Variants in WAPL observed in about 807,000 individuals in gnomAD.
WAPL encodes the protein WAPL cohesin release factor.
In WAPL, 5 loss-of-function variants were observed where a neutral mutation model predicts 121.0. That is an observed-to-expected ratio of 0.04 (90% CI 0.02 to 0.09). The LOEUF (loss-of-function observed/expected upper bound fraction) is 0.09. WAPL is among the 10% of genes least tolerant of loss of function. WAPL has a pLI of 1.00. For synonymous variants in WAPL, 480 were observed against 481.5 expected, an observed-to-expected ratio of 1.00 and a Z score of 0.04; for missense variants, 999 against 1,410.8, an observed-to-expected ratio of 0.71 and a Z score of 4.68.
At chr10:86,501,847 A>G (rs1842253083) in intron 2 of WAPL, among the ~76,000 whole-genome samples, 1 of 152,080 alleles carries the variant, frequency 6.6e-6, no homozygotes, top group African/African-American at 2.4e-5. Flanking sequence ...GTGCACCACC[A>G]CACCTGCCTA....
At chr10:86,518,502 G>C (rs1449196324) in intron 1 of WAPL, among the ~76,000 whole-genome samples, 1 of 152,244 alleles carries the variant, frequency 6.6e-6, no homozygotes, top group Non-Finnish European at 1.5e-5. Flanking sequence ...GAGGCCAGGA[G>C]TTTGAGACCA....
Position 86,451,981 on chromosome 10 carries a change from G to C in WAPL, c.3100C>G (p.Gln1034Glu), listed in dbSNP as rs779273850. 3 of 1,614,080 alleles carry C rather than the reference G, an allele frequency of 1.9e-6. No individual in the cohort carries two copies. Among genetic ancestry groups the C allele is most frequent in the Non-Finnish European group, 2.5e-6 (3 of 1,179,994 alleles). Reference protein sequence around the residue: ...LRIGGQVHAVQALVQLFLERE... With the variant: ...LRIGGQVHAVEALVQLFLERE... ...TGGTTGCTTACCTGCACTAAAGCCT[G>C]GACAGCATGAACTTGTCCACCTATC... Residue 1034 changes from glutamine to glutamate, a missense_variant, in exon 15 of 19, where the codon CAG (glutamine) becomes GAG (glutamate). Gln to Glu is a conservative substitution (Grantham distance 29). Coordinates refer to ENST00000298767, the MANE Select transcript of WAPL (RefSeq NM_015045.5).
At chr10:86,470,550 T>C (rs778763885) in intron 8 of WAPL, among the ~76,000 whole-genome samples, 22 of 152,224 alleles carry the variant, frequency 1.4e-4, no homozygotes, top group Non-Finnish European at 3.2e-4. Context: ...GAAGAAATTA[T>C]TCCTTATCAC....
Position 86,517,999 on chromosome 10 carries a change from A to G in WAPL, c.71T>C (p.Phe24Ser). Residue 24 changes from phenylalanine (F) to serine (S), a missense_variant, in exon 2 of 19, where the codon TTT becomes TCT. Coordinates refer to ENST00000298767, the MANE Select transcript of WAPL (RefSeq NM_015045.5). Reference protein sequence around the residue: ...GNGSSKFDEVFSNKRTTLSTK... With the variant: ...GNGSSKFDEVSSNKRTTLSTK... The stretch of plus-strand genomic sequence containing the variant: ...GCTAAGGGTAGTCCGTTTGTTGGAA[A>G]AGACTTCATCGAATTTTGAACTGCC... 6.2e-7 allele frequency: 1 copy of G among 1,614,224 alleles called. No individual in the cohort carries two copies. The highest frequency in any genetic ancestry group is 8.5e-7 in the Non-Finnish European group (1 of 1,180,044).
intron 4 of WAPL, among the ~76,000 whole-genome samples, chr10:86,480,511 T>A (rs1313678797): frequency 6.6e-6 from 1 of 152,142 alleles, no homozygotes; most frequent in Non-Finnish European, 1.5e-5. Flanking sequence ...ATGAGAGCCA[T>A]GACCAAAATC....
At chr10:86,473,999 T>G in intron 4 of WAPL, 26 bp from the exon 5 acceptor site, 20 of 1,564,900 alleles carry the variant, frequency 1.3e-5, no homozygotes, top group Non-Finnish European at 1.7e-5. Flanking sequence ...AAAGATCAAC[T>G]GCTTCCATCC....
At chr10:86,483,158 C>T (rs901007626) in intron 4 of WAPL, among the ~76,000 whole-genome samples, 11 of 152,294 alleles carry the variant, frequency 7.2e-5, no homozygotes, top group Admixed American at 3.3e-4. Flanking sequence ...CGGTGGCTCA[C>T]GCCTGTAATC....
rs770148047 is a variant in WAPL at position 86,461,330 on chromosome 10, A to G, written c.2371-43T>C. Reference sequence around the variant, plus strand: ...CATTAATGAATATCAACTTTTAGCAATAACTCTAGAAATTGTTTCTCTTTA... The same window carrying G: ...CATTAATGAATATCAACTTTTAGCAGTAACTCTAGAAATTGTTTCTCTTTA... On this transcript the variant is annotated intron_variant, in intron 9 of 18. Transcript: ENST00000298767. 4.7e-6 allele frequency: 7 copies of G among 1,484,488 alleles called. No homozygotes were observed. In the East Asian group the frequency reaches 9.1e-5, roughly 19 times the overall value. 92.0% of individuals were successfully genotyped at this position (1,484,488 alleles called of 1,614,324 possible). A position where few individuals can be genotyped will look rare whatever the true frequency, so the allele number is the denominator to read the frequency against.
intron 4 of WAPL, among the ~76,000 whole-genome samples, chr10:86,483,291 A>C (rs1394178470): frequency 2.0e-5 from 3 of 152,208 alleles, no homozygotes; most frequent in South Asian, 4.1e-4. Context: ...GTGGAGGTGC[A>C]TGCCTGTAAT....
chr10:86,485,411 C>T (rs557793334), intron 4 of WAPL, among the ~76,000 whole-genome samples: 156 of 152,106 alleles, frequency 1.0e-3, no homozygotes, highest in South Asian at 2.5e-3. Context: ...GTGGCACCCA[C>T]CTGTAGTCCC....
chr10:86,502,294 G>C (rs1188821803), intron 2 of WAPL, among the ~76,000 whole-genome samples: 3 of 152,174 alleles, frequency 2.0e-5, no homozygotes, highest in African/African-American at 7.2e-5. Flanking sequence ...ATTATGTACA[G>C]ATATGGATGC....
chr10:86,473,216 C>A (rs1167380062), intron 5 of WAPL, among the ~76,000 whole-genome samples: 4 of 152,084 alleles, frequency 2.6e-5, no homozygotes, highest in Admixed American at 2.6e-4. Flanking sequence ...TACTAATATA[C>A]AAAATGATTT....
chr10:86,445,042 G>A (rs959282942), intron 16 of WAPL, among the ~76,000 whole-genome samples: 3 of 152,076 alleles, frequency 2.0e-5, no homozygotes, highest in East Asian at 1.9e-4. Flanking sequence ...ACGTTGCTGC[G>A]GCTTGCTTCC....
chr10:86,493,717 T>C (rs1428748195), intron 4 of WAPL, among the ~76,000 whole-genome samples: 3 of 150,206 alleles, frequency 2.0e-5, no homozygotes, highest in Non-Finnish European at 4.4e-5. Context: ...TTTTAAGAGA[T>C]GGGGCCAGGC....
At chr10:86,486,987 T>C (rs569264950) in intron 4 of WAPL, among the ~76,000 whole-genome samples, 2 of 152,006 alleles carry the variant, frequency 1.3e-5, no homozygotes, top group South Asian at 2.1e-4. Context: ...AAGGTATAAA[T>C]ATTGGAGAAT....
chr10:86,483,585 A>T (rs1841846488), intron 4 of WAPL, among the ~76,000 whole-genome samples: 2 of 152,056 alleles, frequency 1.3e-5, no homozygotes, highest in Admixed American at 6.6e-5. Context: ...TCATTGTAAA[A>T]CCGCTTCAGA....
chr10:86,511,692 G>A lies in WAPL; in HGVS notation c.499+5879C>T, dbSNP rs183179865. Among the ~76,000 whole-genome samples the A allele has an allele frequency of 2.9e-3, 448 of 152,248 alleles. 4 individuals are homozygous for A. The highest frequency in any genetic ancestry group is 0.01 in the African/African-American group (431 of 41,540). The stretch of plus-strand genomic sequence containing the variant: ...CTCATGCCTGTAATCCCAACACTTC[G>A]GGAGGTGGAGGCAGGAGGACTACTC... On this transcript the variant is annotated intron_variant, in intron 2 of 18. Coordinates refer to ENST00000298767, the MANE Select transcript of WAPL (RefSeq NM_015045.5).
chr10:86,470,125 C>A (rs977356736), intron 8 of WAPL, among the ~76,000 whole-genome samples: 1 of 151,968 alleles, frequency 6.6e-6, no homozygotes, highest in African/African-American at 2.4e-5. Flanking sequence ...CTCCACCTCC[C>A]GGGTTCAAGC....
chr10:86,488,214 T>C (rs1347263193), intron 4 of WAPL, among the ~76,000 whole-genome samples: 3 of 152,238 alleles, frequency 2.0e-5, no homozygotes, highest in African/African-American at 4.8e-5. Context: ...GAAATAGACA[T>C]GTGTCTGTAT....
Sources: allele counts gnomAD v4.1 joint callset (sites outside exome capture counted in the v4.1 genomes callset), GRCh38; gene constraint gnomAD v4.1.1; transcripts MANE v1.5; gene names NCBI Gene and HGNC (gene_info 2026-07-23, HGNC 2026-07-21).